The following MIGA1 variants were observed in gnomAD, a reference collection of about 807,000 sequenced individuals.
The protein encoded by MIGA1 is mitoguardin 1.
Under a neutral mutation model 82.0 loss-of-function variants are expected in MIGA1, and 58 were observed. That is an observed-to-expected ratio of 0.71 (90% CI 0.57 to 0.88). The LOEUF is 0.88. MIGA1 is among the 40% of genes least tolerant of loss of function. MIGA1 has a pLI of 0.00. For synonymous variants in MIGA1, 249 were observed against 253.6 expected (o/e 0.98, Z 0.17); for missense variants, 751 against 749.1 (o/e 1.00, Z -0.03).
rs201881333 is a variant in MIGA1, at chr1:77,780,248, G to A, written c.81+512G>A. ...CTTGGATGCGGGTGGTTTTGAGCAG[G>A]GAGTGGCTTTTGGATGTGAAAGATT... On this transcript the variant is annotated intron_variant, in intron 1 of 15. Transcript: ENST00000370791. The A allele has an allele frequency of 7.0e-6, 6 of 862,270 alleles. No homozygotes were observed. The East Asian group carries it at 6.1e-4, about 87-fold the overall frequency. The allele number at this position is 862,270 out of a possible 1,614,324, so 53.4% of individuals were successfully genotyped here. A position where few individuals can be genotyped will look rare whatever the true frequency, so the allele number is the denominator to read the frequency against.
At chr1:77,780,446 T>C (rs1242843121) in intron 1 of MIGA1, among the ~76,000 whole-genome samples, 1 of 152,266 alleles carries the variant, frequency 6.6e-6, no homozygotes, top group East Asian at 1.9e-4. Context: ...TTATTGCAGC[T>C]AAACATGTTT....
intron 7 of MIGA1, among the ~76,000 whole-genome samples, chr1:77,815,905 A>T (rs1352405620): frequency 4.0e-5 from 6 of 151,194 alleles, no homozygotes; most frequent in South Asian, 2.1e-4. Context: ...AATTAAAAAA[A>T]TTTTTTTTGT....
chr1:77,786,896 A>C (rs113609429), intron 2 of MIGA1, among the ~76,000 whole-genome samples: 1 of 152,184 alleles, frequency 6.6e-6, no homozygotes, highest in South Asian at 2.1e-4. Flanking sequence ...TTTCAGCAGC[A>C]CCCCACTCTA....
intron 14 of MIGA1, among the ~76,000 whole-genome samples, chr1:77,868,092 G>T (rs1003540039): frequency 6.6e-6 from 1 of 152,174 alleles, no homozygotes; most frequent in African/African-American, 2.4e-5. Flanking sequence ...ACTGCGGTAA[G>T]GATGAAAGCG....
intron 7 of MIGA1, among the ~76,000 whole-genome samples, chr1:77,836,954 A>G (rs1354408568): frequency 6.6e-6 from 1 of 152,188 alleles, no homozygotes; most frequent in Non-Finnish European, 1.5e-5. Flanking sequence ...TAATTAGGCT[A>G]TTCTTCTCTA....
chr1:77,805,724 T>C (rs1247726623), intron 4 of MIGA1, among the ~76,000 whole-genome samples: 1 of 151,944 alleles, frequency 6.6e-6, no homozygotes, highest in Non-Finnish European at 1.5e-5. Context: ...GGTTTCACCA[T>C]GTTGGCTTGG....
At chr1:77,874,500 T>G (rs568253460) in intron 15 of MIGA1, among the ~76,000 whole-genome samples, 5 of 152,324 alleles carry the variant, frequency 3.3e-5, no homozygotes, top group African/African-American at 1.2e-4. Flanking sequence ...CCCTTACATT[T>G]AAACAGTGCT....
intron 15 of MIGA1, among the ~76,000 whole-genome samples, chr1:77,874,038 C>A (rs1557942360): frequency 6.6e-6 from 1 of 152,024 alleles, no homozygotes; most frequent in Admixed American, 6.6e-5. Flanking sequence ...TCGCTAATGA[C>A]CCTTTCAGAT....
intron 5 of MIGA1, chr1:77,811,397 A>C: frequency 6.2e-7 from 1 of 1,601,740 alleles, no homozygotes; most frequent in Non-Finnish European, 8.5e-7. Flanking sequence ...TCAAATTCCA[A>C]ATTCTCTTCT....
rs974637964 is a variant in MIGA1 at position 77,866,446 on chromosome 1, AAGC to A, written c.1563+59_1563+61del. ...GTTAAATCATTTAAGGATTCTGTCAAAGCAGCTTCTGAGTCACTTCTCCGGTGG... is the reference window on the plus strand; with the variant it reads ...GTTAAATCATTTAAGGATTCTGTCAAAGCTTCTGAGTCACTTCTCCGGTGG... On this transcript the variant is annotated intron_variant, in intron 14 of 15. Coordinates refer to ENST00000370791, the MANE Select transcript of MIGA1 (RefSeq NM_198549.4). 3.4e-5 allele frequency: 52 copies of A among 1,547,478 alleles called. No individual in the cohort carries two copies. The African/African-American group carries it at 5.8e-4, about 17-fold the overall frequency.
At chr1:77,818,638 A>G (rs1683674063) in intron 7 of MIGA1, among the ~76,000 whole-genome samples, 1 of 152,172 alleles carries the variant, frequency 6.6e-6, no homozygotes, top group Admixed American at 6.5e-5. Flanking sequence ...CTGGCTCGAC[A>G]TGGTGGCTCA....
rs1324072250 is a variant in MIGA1, at chr1:77,866,403, T to C, written c.1563+12T>C. On this transcript the variant is annotated intron_variant, in intron 14 of 15. Transcript: ENST00000370791. ...GACAACAGATGAAGGTAAAATTCGT[T>C]ATGTCCTGAATTCCTTTGTTAAATC... 1.2e-6 allele frequency: 2 copies of C among 1,613,040 alleles called. No individual in the cohort carries two copies. Among genetic ancestry groups the C allele is most frequent in the South Asian group, 2.2e-5 (2 of 91,050 alleles).
chr1:77,803,296 A>C lies in MIGA1; in HGVS notation c.400A>C (p.Asn134His), dbSNP rs1424164105. 1.3e-6 allele frequency: 2 copies of C among 1,541,336 alleles called. No homozygotes were observed. The highest frequency in any genetic ancestry group is 1.4e-5 in the African/African-American group (1 of 71,826). ...TTCAAGTTGTTCCAGTAGCAGACAG[A>C]ATTTGACATTATCTTTAAGTTCTAC... The change falls in exon 4 of 16, where the codon AAT becomes CAT. Residue 134 changes from asparagine (N) to histidine (H), a missense_variant. By Grantham distance (68) the Asn-to-His change is moderately conservative (BLOSUM62 1). Around this residue, in one of 3 missense-constraint regions of MIGA1, gnomAD observed 482 missense variants for 439.4 expected, o/e 1.10. Coordinates refer to ENST00000370791, the MANE Select transcript of MIGA1 (RefSeq NM_198549.4).
At chr1:77,866,305 A>G in intron 13 of MIGA1, 33 bp from the exon 14 acceptor site, 10 of 1,601,090 alleles carry the variant, frequency 6.2e-6, no homozygotes, top group Non-Finnish European at 7.7e-6. Context: ...ATATAGCTAT[A>G]TATAAATCTT....
At chr1:77,871,125 G>GGGAGGGGGAGAGGAGGGA (rs149246341) in intron 14 of MIGA1, among the ~76,000 whole-genome samples, 1 of 74,216 alleles carries the variant, frequency 1.3e-5, no homozygotes, top group African/African-American at 5.2e-5. Flanking sequence ...GAGAGGGAGA[G>GGGAGGGGGAGAGGAGGGA]GAGGGAGAGG....
At chr1:77,831,184 A>C (rs1684231910) in intron 7 of MIGA1, among the ~76,000 whole-genome samples, 1 of 152,172 alleles carries the variant, frequency 6.6e-6, no homozygotes, top group South Asian at 2.1e-4. Context: ...ATATGGGTTA[A>C]TTCTTTAGTT....
At chr1:77,794,084 C>T (rs763725525) in intron 2 of MIGA1, among the ~76,000 whole-genome samples, 1 of 152,046 alleles carries the variant, frequency 6.6e-6, no homozygotes, top group African/African-American at 2.4e-5. Flanking sequence ...CCACCGCGCC[C>T]GGCCTTAAAC....
chr1:77,858,876 C>G (rs1685362735), intron 8 of MIGA1, 62 bp from the exon 9 acceptor site: 1 of 894,256 alleles, frequency 1.1e-6, no homozygotes, highest in Non-Finnish European at 1.8e-6. Flanking sequence ...CAAAGTGTTG[C>G]AATTACAGGC....
intron 7 of MIGA1, among the ~76,000 whole-genome samples, chr1:77,839,084 C>T (rs535087910): frequency 2.0e-5 from 3 of 152,244 alleles, no homozygotes; most frequent in South Asian, 4.1e-4. Context: ...AACACACCCA[C>T]GGGTAGAATT....
Sources: gnomAD v4.1 joint callset for allele counts (sites outside exome capture counted in the v4.1 genomes callset) on GRCh38, gnomAD v4.1.1 for gene constraint, gnomAD v4.1.1 regional missense constraint, MANE v1.5 for transcripts, NCBI Gene and HGNC (gene_info 2026-07-23, HGNC 2026-07-21) for gene names.